Variants in PDIA2 observed in about 807,000 individuals in gnomAD.
PDIA2 encodes the protein protein disulfide-isomerase A2.
In PDIA2, 76 loss-of-function variants were observed where a neutral mutation model predicts 51.1. That is an observed-to-expected ratio of 1.49 (90% CI 1.24 to 1.80). The LOEUF (loss-of-function observed/expected upper bound fraction) is 1.80, where lower values mean the gene tolerates loss of function less well. Ranked by LOEUF, PDIA2 falls within the 40% of genes most tolerant of loss-of-function variation. PDIA2 has a pLI of 0.00. For synonymous variants in PDIA2, 429 were observed against 309.9 expected (o/e 1.38, Z -4.04); for missense variants, 946 against 706.5 (o/e 1.34, Z -3.84).
chr16:284,862 GGGCCA>G lies in PDIA2; in HGVS notation c.541-11_541-7del. The G allele has an allele frequency of 6.2e-7, 1 of 1,611,208 alleles. No homozygotes were observed. The highest frequency in any genetic ancestry group is 8.5e-7 in the Non-Finnish European group (1 of 1,179,162). On this transcript the variant is annotated splice_polypyrimidine_tract_variant and intron_variant, in intron 3 of 10. Coordinates refer to ENST00000219406, the MANE Select transcript of PDIA2 (RefSeq NM_006849.4). ...GTGGGTGGGACCGGGTGGCCTCACA[GGGCCA>G]GGCCCCTCAGGACCTGCAGGACGAG...
At chr16:285,257 T>TG in intron 5 of PDIA2, 55 bp from the exon 6 acceptor site, 1 of 1,611,912 alleles carries the variant, frequency 6.2e-7, no homozygotes, top group Non-Finnish European at 8.5e-7. Flanking sequence ...CGTCCAGGGA[T>TG]GGGGGTGCCT....
intron 1 of PDIA2, among the ~76,000 whole-genome samples, chr16:283,762 A>C (rs546646892): frequency 1.1e-4 from 17 of 152,306 alleles, no homozygotes; most frequent in Non-Finnish European, 2.1e-4. Context: ...GTCTTTTCGC[A>C]ACCCTTGACA....
rs761584267 is a variant in PDIA2, at chr16:287,113, G to C, written c.1578G>C (p.Ter526TyrextTer26). 10 of 1,612,664 alleles carry C rather than the reference G, an allele frequency of 6.2e-6. No individual in the cohort carries two copies. The African/African-American group carries it at 1.3e-4, about 22-fold the overall frequency. The change falls in exon 11 of 11, where the codon TAG (stop) becomes TAC (tyrosine). Residue 526 changes from the stop codon to tyrosine (Y), a stop_lost. Transcript: ENST00000219406. The stretch of plus-strand genomic sequence containing the variant: ...CTATGGGGTCCAAGGAGGAACTGTA[G>C]CTGCCCCCGTGTCACCCCCGCCATC... ...NSTMGSKEEL[*>Y]
intron 1 of PDIA2, among the ~76,000 whole-genome samples, chr16:283,950 C>T (rs1236317128): frequency 5.9e-5 from 9 of 152,150 alleles, no homozygotes; most frequent in South Asian, 2.1e-4. Context: ...CTGCAACCTC[C>T]GCCTCCCAGG....
In PDIA2 at chr16:284,794, T is replaced by C. The variant is rs757658049; in HGVS notation, c.540+2T>C. 1 of 1,575,746 alleles carries C rather than the reference T, an allele frequency of 6.3e-7. No individual in the cohort carries two copies. Among genetic ancestry groups the C allele is most frequent in the Non-Finnish European group, 8.6e-7 (1 of 1,163,932 alleles). ...CTAGTGGTCATTGGCTTCTTCCAGG[T>C]GAGCCACTGGGCATGGGGGGCCGGG... is the stretch of plus-strand genomic sequence containing the variant. On this transcript the variant is annotated splice_donor_variant, in intron 3 of 10. Coordinates refer to ENST00000219406, the MANE Select transcript of PDIA2 (RefSeq NM_006849.4). LOFTEE classifies it high-confidence loss of function.
chr16:284,331 G>C (rs1298700630), intron 1 of PDIA2, 56 bp from the exon 2 acceptor site: 2 of 1,482,908 alleles, frequency 1.3e-6, no homozygotes, highest in Non-Finnish European at 1.8e-6. Flanking sequence ...GTCAGGTGTG[G>C]AGAGGGTGCT....
rs552464115 is a variant in PDIA2 at position 287,068 on chromosome 16, G to A, written c.1534-1G>A. On this transcript the variant is annotated splice_acceptor_variant, in intron 10 of 10. Coordinates refer to ENST00000219406, the MANE Select transcript of PDIA2 (RefSeq NM_006849.4). LOFTEE classifies it high-confidence loss of function. ...CGAGCTGCACTTGTGACCCTTTCTAGGAGCCACCGGCCAACTCCACTATGG... is the reference window on the plus strand; with the variant it reads ...CGAGCTGCACTTGTGACCCTTTCTAAGAGCCACCGGCCAACTCCACTATGG... 3.1e-6 allele frequency: 5 copies of A among 1,612,662 alleles called. No homozygotes were observed. The highest frequency in any genetic ancestry group is 4.2e-6 in the Non-Finnish European group (5 of 1,179,968).
In PDIA2 at chr16:283,345, A is replaced by ACCCTG. The variant is rs763657697; in HGVS notation, c.183_187dup (p.Leu63ProfsTer54). 2 of 1,603,502 alleles carry ACCCTG rather than the reference A, an allele frequency of 1.2e-6. No homozygotes were observed. The highest frequency in any genetic ancestry group is 1.1e-5 in the South Asian group (1 of 90,046). The stretch of plus-strand genomic sequence containing the variant: ...ACCCTGGGCCTGGCCCTGCGGGAGC[A>ACCCTG]CCCTGCCCTGCTGGTGGAATTCTGT... On this transcript the variant is annotated frameshift_variant, in exon 1 of 11. Transcript: ENST00000219406. LOFTEE classifies it high-confidence loss of function.
chr16:285,909 C>CCCAACA (rs2052355785), intron 7 of PDIA2, among the ~76,000 whole-genome samples: 2 of 95,368 alleles, frequency 2.1e-5, no homozygotes, highest in African/African-American at 1.1e-4. Context: ...TTCTCCCAAC[C>CCCAACA]CCAACCCCGC....
In PDIA2 at chr16:284,613, T is replaced by A. The variant is rs534146958; in HGVS notation, c.406+20T>A. 6.3e-7 allele frequency: 1 copy of A among 1,577,696 alleles called. No homozygotes were observed. Among genetic ancestry groups the A allele is most frequent in the East Asian group, 2.2e-5 (1 of 44,750 alleles). The stretch of plus-strand genomic sequence containing the variant: ...ACACAGGTGAGGGGCAGGCCGGTCA[T>A]TGGGGGGGCGGTGGCCAGGCCGAGG... On this transcript the variant is annotated intron_variant, in intron 2 of 10. Coordinates refer to ENST00000219406, the MANE Select transcript of PDIA2 (RefSeq NM_006849.4).
intron 1 of PDIA2, chr16:284,171 G>A (rs937300272): frequency 3.3e-6 from 2 of 603,234 alleles, no homozygotes; most frequent in Admixed American, 2.8e-5. Context: ...CCTGGCTGTG[G>A]GGGGAGGGGG....
At chr16:283,648 G>A (rs1035248305) in intron 1 of PDIA2, among the ~76,000 whole-genome samples, 17 of 152,320 alleles carry the variant, frequency 1.1e-4, no homozygotes, top group Middle Eastern at 3.4e-3. Flanking sequence ...CCACCTTGCC[G>A]GCCACTCCTC....
Position 284,448 on chromosome 16 carries a change from G to A in PDIA2, c.261G>A (p.Val87=), listed in dbSNP as rs571016844. The change falls in exon 2 of 11, where the codon GTG becomes GTA. Residue 87 remains valine, a synonymous_variant. Transcript: ENST00000219406. The part of the protein sequence containing the change: ...LAPEYSKAAA[V]LAAESMVVTL... ...CCGAGTACAGCAAGGCAGCTGCCGT[G>A]CTCGCGGCCGAGTCAATGGTGGTCA... 8.1e-6 allele frequency: 13 copies of A among 1,596,786 alleles called. No individual in the cohort carries two copies. The South Asian group carries it at 1.2e-4, about 15-fold the overall frequency.
rs1413690564 is a variant in PDIA2, at chr16:284,884, C to T, written c.547C>T (p.Gln183Ter). 1.9e-6 allele frequency: 3 copies of T among 1,612,482 alleles called. No homozygotes were observed. The highest frequency in any genetic ancestry group is 4.5e-5 in the East Asian group (2 of 44,876). ...ACAGGGCCAGGCCCCTCAGGACCTGCAGGACGAGGACGTGGCCACCTTCTT... is the reference window on the plus strand; with the variant it reads ...ACAGGGCCAGGCCCCTCAGGACCTGTAGGACGAGGACGTGGCCACCTTCTT... ...LVVIGFFQDLQDEDVATFLAL... is the reference protein window; with the variant it reads ...LVVIGFFQDL The change falls in exon 4 of 11, where the codon CAG becomes TAG. Residue 183 changes from glutamine to a stop codon, truncating the protein, a stop_gained. Transcript: ENST00000219406. LOFTEE classifies it high-confidence loss of function.
rs747942356 is a variant in PDIA2 at position 285,148 on chromosome 16, C to T, written c.743C>T (p.Ser248Leu). 7.4e-5 allele frequency: 119 copies of T among 1,612,798 alleles called. No individual in the cohort carries two copies. Among genetic ancestry groups the T allele is most frequent in the Middle Eastern group, 1.6e-4 (1 of 6,084 alleles). The change falls in exon 5 of 11, where the codon TCG becomes TTG. Residue 248 changes from serine to leucine, a missense_variant. Ser to Leu is a moderately radical substitution (Grantham distance 145). Coordinates refer to ENST00000219406, the MANE Select transcript of PDIA2 (RefSeq NM_006849.4). ...EELGLDLGDL[S>L]RFLVTHSMRL... ...CTTGGCCTGGACCTGGGGGATCTGT[C>T]GCGCTTCCTGGTCACACACAGCATG...
chr16:284,425 G>C lies in PDIA2; in HGVS notation c.238G>C (p.Glu80Gln). The C allele has an allele frequency of 6.3e-7, 1 of 1,583,826 alleles. No individual in the cohort carries two copies. Among genetic ancestry groups the C allele is most frequent in the Non-Finnish European group, 8.6e-7 (1 of 1,168,442 alleles). ...TGGGCACTGCCAGGCCCTGGCCCCC[G>C]AGTACAGCAAGGCAGCTGCCGTGCT... ...WCGHCQALAP[E>Q]YSKAAAVLAA... is the part of the protein sequence containing the mutation. The change falls in exon 2 of 11, where the codon GAG (glutamate) becomes CAG (glutamine). Residue 80 changes from glutamate to glutamine, a missense_variant. Transcript: ENST00000219406.
At position 285,556 on chromosome 16, in the gene PDIA2, G is replaced by A; in HGVS notation, c.972G>A (p.Gln324=). 1.9e-6 allele frequency: 3 copies of A among 1,613,098 alleles called. No homozygotes were observed. Among genetic ancestry groups the A allele is most frequent in the Non-Finnish European group, 2.5e-6 (3 of 1,179,962 alleles). Reference sequence around the variant, plus strand: ...CGGCCGACAATGAGCACGTGCTGCAGTACTTTGGACTCAAGGCTGAGGCAG... The same window carrying A: ...CGGCCGACAATGAGCACGTGCTGCAATACTTTGGACTCAAGGCTGAGGCAG... ...DVAADNEHVL[Q]YFGLKAEAAP... is the part of the protein sequence containing the mutation. Residue 324 remains glutamine, a synonymous_variant, in exon 7 of 11, where the codon CAG becomes CAA. Transcript: ENST00000219406.
chr16:285,338 G>T lies in PDIA2; in HGVS notation c.822G>T (p.Arg274Ser). The T allele has an allele frequency of 1.2e-6, 2 of 1,612,906 alleles. No individual in the cohort carries two copies. Among genetic ancestry groups the T allele is most frequent in the South Asian group, 1.1e-5 (1 of 91,076 alleles). Residue 274 changes from arginine to serine, a missense_variant, in exon 6 of 11, where the codon AGG (arginine) becomes AGT (serine). Arg to Ser is a moderately radical substitution (Grantham distance 110). Coordinates refer to ENST00000219406, the MANE Select transcript of PDIA2 (RefSeq NM_006849.4). Reference protein sequence around the residue: ...SQTSAKIFAARILNHLLLFVN... With the variant: ...SQTSAKIFAASILNHLLLFVN... ...CGTCTGCCAAGATCTTCGCGGCCAG[G>T]ATCCTCAACCACCTGCTGCTGTTTG... is the stretch of plus-strand genomic sequence containing the variant.
At chr16:284,047 TAGTAG>T in intron 1 of PDIA2, 1 of 364,136 alleles carries the variant, frequency 2.7e-6, no homozygotes, top group East Asian at 6.1e-5. Context: ...TTTGTATTTT[TAGTAG>T]AGATGGGGTT....
Sources: allele counts gnomAD v4.1 joint callset (sites outside exome capture counted in the v4.1 genomes callset), GRCh38; gene constraint gnomAD v4.1.1; transcripts MANE v1.5; gene names NCBI Gene and HGNC (gene_info 2026-07-23, HGNC 2026-07-21).